Variants in ASPRV1 observed in about 807,000 individuals in gnomAD.
ASPRV1 encodes the protein aspartic peptidase retroviral like 1.
ASPRV1 carries 7 observed loss-of-function variants against 11.0 expected under a neutral mutation model. The ratio of observed to expected loss-of-function variants is 0.64; its 90% CI spans 0.36 to 1.20. ASPRV1 has a LOEUF of 1.20. Among genes scored for constraint, ASPRV1 ranks in the 50% most tolerant of loss-of-function variants. ASPRV1 has a pLI of 0.02. For missense variants in ASPRV1, 299 were observed against 320.0 expected (o/e 0.93, Z 0.50); for synonymous variants, 136 against 138.4 (o/e 0.98, Z 0.12).
the ASPRV1 span, among the ~76,000 whole-genome samples, chr2:70,078,591 A>T: frequency 2.6e-5 from 4 of 152,118 alleles, no homozygotes; most frequent in African/African-American, 7.3e-5. Flanking sequence ...TGGCAGAAAA[A>T]GCAACTACAA....
chr2:69,998,350 T>G, the ASPRV1 span, among the ~76,000 whole-genome samples: 1 of 151,452 alleles, frequency 6.6e-6, no homozygotes, highest in Non-Finnish European at 1.5e-5. Flanking sequence ...AAAAAGTCAC[T>G]TAAAAAAAAA....
the ASPRV1 span, among the ~76,000 whole-genome samples, chr2:69,936,737 A>G: frequency 2.0e-5 from 3 of 152,232 alleles, no homozygotes; most frequent in African/African-American, 7.2e-5. Context: ...AGGGACTATT[A>G]TTTCCTGCTA....
At chr2:69,970,552 A>G in the ASPRV1 span, among the ~76,000 whole-genome samples, 3 of 152,206 alleles carry the variant, frequency 2.0e-5, no homozygotes, top group Non-Finnish European at 4.4e-5. Flanking sequence ...TGAGAAGTCA[A>G]CTAAGACACT....
rs751851998 is a variant in ASPRV1, at chr2:69,960,702, C to T, written c.735G>A (p.Glu245=). Residue 245 remains glutamate (E), a synonymous_variant, in exon 1 of 1, where the codon GAG becomes GAA. Transcript: ENST00000320256. ...GCCCTTCTTCTGAGGAGGGGTCCTCCTCTATGAGCTCCAGGTCAAACTCAT... is the reference window on the plus strand; with the variant it reads ...GCCCTTCTTCTGAGGAGGGGTCCTCTTCTATGAGCTCCAGGTCAAACTCAT... The part of the protein sequence containing the change: ...LEDEFDLELI[E]EDPSSEEGRQ... 1 of 1,614,068 alleles carries T rather than the reference C, an allele frequency of 6.2e-7. No individual in the cohort carries two copies. The highest frequency in any genetic ancestry group is 1.1e-5 in the South Asian group (1 of 91,076).
At chr2:70,030,424 CA>C in the ASPRV1 span, 1 of 152,314 alleles carries the variant, frequency 6.6e-6, no homozygotes, top group African/African-American at 2.4e-5. Context: ...TCCAGCGGCC[CA>C]GTCCTTTCCC....
the ASPRV1 span, among the ~76,000 whole-genome samples, chr2:69,937,654 A>T: frequency 1.3e-5 from 2 of 152,120 alleles, no homozygotes; most frequent in African/African-American, 4.8e-5. Context: ...TTGCTCTGTC[A>T]CCCAGGCTGG....
chr2:69,946,219 C>G, the ASPRV1 span, among the ~76,000 whole-genome samples: 3 of 152,180 alleles, frequency 2.0e-5, no homozygotes, highest in Non-Finnish European at 2.9e-5. Context: ...AGCATTCGAG[C>G]CAGTAATGAC....
the ASPRV1 span, among the ~76,000 whole-genome samples, chr2:69,933,746 T>C: frequency 2.0e-5 from 3 of 152,380 alleles, no homozygotes; most frequent in East Asian, 5.8e-4. Flanking sequence ...ATATCATGCA[T>C]ATTCACCTGT....
the ASPRV1 span, among the ~76,000 whole-genome samples, chr2:70,034,570 CAAA>C: frequency 3.5e-5 from 3 of 85,020 alleles, no homozygotes; most frequent in Non-Finnish European, 2.6e-5. Context: ...GACTTTGTCT[CAAA>C]AAAAAAAAAA....
chr2:70,077,509 T>C, the ASPRV1 span: 5 of 152,314 alleles, frequency 3.3e-5, no homozygotes, highest in South Asian at 6.2e-4. Context: ...CATACACTTA[T>C]TATGAAACTT....
chr2:70,003,525 GGCATGAGA>G, the ASPRV1 span, among the ~76,000 whole-genome samples: 1 of 152,210 alleles, frequency 6.6e-6, no homozygotes, highest in Non-Finnish European at 1.5e-5. Context: ...CACACAGCCT[GGCATGAGA>G]GCAAGGTCCC....
chr2:69,978,741 TG>T, the ASPRV1 span, among the ~76,000 whole-genome samples: 2 of 152,066 alleles, frequency 1.3e-5, no homozygotes, highest in African/African-American at 4.8e-5. Flanking sequence ...CCCTCCAAGG[TG>T]GTAGCAGCCC....
chr2:69,953,143 T>C, the ASPRV1 span, among the ~76,000 whole-genome samples: 1 of 152,250 alleles, frequency 6.6e-6, no homozygotes, highest in Non-Finnish European at 1.5e-5. Flanking sequence ...AAGCCACTGT[T>C]GCGTGTAAGA....
chr2:69,954,028 A>G, the ASPRV1 span, among the ~76,000 whole-genome samples: 22 of 152,262 alleles, frequency 1.4e-4, no homozygotes, highest in South Asian at 4.6e-3. Flanking sequence ...AATTCACTTT[A>G]ATTATGGAAA....
the ASPRV1 span, among the ~76,000 whole-genome samples, chr2:70,078,081 C>T: frequency 6.6e-6 from 1 of 152,012 alleles, no homozygotes; most frequent in Non-Finnish European, 1.5e-5. Flanking sequence ...GCAGGAGACC[C>T]GGGAGGCGGA....
the ASPRV1 span, among the ~76,000 whole-genome samples, chr2:69,990,390 G>T: frequency 1.3e-5 from 2 of 151,828 alleles, no homozygotes; most frequent in Non-Finnish European, 2.9e-5. Flanking sequence ...CAGCATGTTG[G>T]CCAGGCTGGT....
At chr2:70,078,041 C>T in the ASPRV1 span, among the ~76,000 whole-genome samples, 1 of 151,930 alleles carries the variant, frequency 6.6e-6, no homozygotes, top group African/African-American at 2.4e-5. Context: ...GTGGCACACG[C>T]CTGTAATCCC....
At chr2:70,048,107 C>CAA in the ASPRV1 span, among the ~76,000 whole-genome samples, 1,120 of 31,832 alleles carry the variant, frequency 0.035, 82 homozygotes, top group African/African-American at 0.1. Context: ...GACTCCATCT[C>CAA]AAAAAAAAAA....
chr2:69,963,427 G>T (rs1254419096), upstream of ASPRV1: 1 of 456,612 alleles, frequency 2.2e-6, no homozygotes, highest in Non-Finnish European at 4.4e-6. Flanking sequence ...GATGAGTGTT[G>T]TTCTGTGGCT....
Sources: gnomAD v4.1 joint callset for allele counts (sites outside exome capture counted in the v4.1 genomes callset) on GRCh38, gnomAD v4.1.1 for gene constraint, MANE v1.5 for transcripts, NCBI Gene and HGNC (gene_info 2026-07-23, HGNC 2026-07-21) for gene names.